PGM5: variants seen among roughly 807,000 people sequenced by gnomAD.
PGM5 encodes phosphoglucomutase 5, also known as phosphoglucomutase-like protein 5.
In PGM5, 23 loss-of-function variants were observed where a neutral mutation model predicts 59.2. The observed-to-expected ratio is 0.39, with a 90% confidence interval of 0.28 to 0.55. The LOEUF is 0.55. Ranked by LOEUF, PGM5 falls within the 20% of genes least tolerant of loss-of-function variation. PGM5 has a pLI of 0.66. For synonymous variants in PGM5, 214 were observed against 286.0 expected (o/e 0.75, Z 2.54); for missense variants, 574 against 748.3 (o/e 0.77, Z 2.72).
At chr9:68,436,310 T>A (rs1450855102) in intron 6 of PGM5, among the ~76,000 whole-genome samples, 1 of 152,132 alleles carries the variant, frequency 6.6e-6, no homozygotes, top group Non-Finnish European at 1.5e-5. Flanking sequence ...ACCTAGTAAT[T>A]TGAATATATA....
intron 6 of PGM5, among the ~76,000 whole-genome samples, chr9:68,451,118 CAT>C (rs1321928240): frequency 6.6e-6 from 1 of 152,192 alleles, no homozygotes; most frequent in Non-Finnish European, 1.5e-5. Context: ...CATACACACA[CAT>C]ACACACATGC....
intron 6 of PGM5, among the ~76,000 whole-genome samples, chr9:68,426,308 G>T (rs782045384): frequency 1.0e-4 from 15 of 150,456 alleles, no homozygotes; most frequent in Non-Finnish European, 1.9e-4. Flanking sequence ...TATTTTCCAG[G>T]ATTATTGTGA....
At position 68,416,818 on chromosome 9, in the gene PGM5, C is replaced by T. The variant is rs536703612; in HGVS notation, c.1043+24345C>T. 2.0e-5 allele frequency among the ~76,000 whole-genome samples: 3 copies of T among 152,296 alleles called. No individual in the cohort carries two copies. The East Asian group carries it at 5.8e-4, about 29-fold the overall frequency. ...AGCAGGCAACCTCAAAGAGGTGATTCTAGCTTTTGTGATTATGTGTGATTT... is the reference window on the plus strand; with the variant it reads ...AGCAGGCAACCTCAAAGAGGTGATTTTAGCTTTTGTGATTATGTGTGATTT... On this transcript the variant is annotated intron_variant, in intron 6 of 10. Transcript: ENST00000396396.
At chr9:68,414,218 T>C (rs1469827551) in intron 6 of PGM5, among the ~76,000 whole-genome samples, 1 of 152,218 alleles carries the variant, frequency 6.6e-6, no homozygotes, top group Non-Finnish European at 1.5e-5. Context: ...GCTTCCCGTA[T>C]AGCCCGCAGA....
intron 7 of PGM5, among the ~76,000 whole-genome samples, chr9:68,476,767 T>C (rs1175120856): frequency 1.3e-5 from 2 of 152,248 alleles, no homozygotes; most frequent in Admixed American, 6.5e-5. Context: ...CAATTTACTA[T>C]GCAATTGGCT....
At chr9:68,425,995 G>T (rs895989555) in intron 6 of PGM5, among the ~76,000 whole-genome samples, 1 of 152,134 alleles carries the variant, frequency 6.6e-6, no homozygotes, top group Non-Finnish European at 1.5e-5. Context: ...AGTGGTTGTT[G>T]ATATTTGGTG....
At chr9:68,423,429 G>A (rs574419286) in intron 6 of PGM5, among the ~76,000 whole-genome samples, 2 of 152,244 alleles carry the variant, frequency 1.3e-5, no homozygotes, top group Admixed American at 6.5e-5. Flanking sequence ...CTGCAAGGGC[G>A]AAAATTTAAA....
chr9:68,403,615 A>C (rs1309890491), intron 6 of PGM5, among the ~76,000 whole-genome samples: 2 of 152,212 alleles, frequency 1.3e-5, no homozygotes, highest in African/African-American at 4.8e-5. Context: ...TATGATGATG[A>C]GATGTTAAGT....
intron 6 of PGM5, among the ~76,000 whole-genome samples, chr9:68,412,915 G>T (rs1371511621): frequency 6.6e-6 from 1 of 152,166 alleles, no homozygotes; most frequent in Non-Finnish European, 1.5e-5. Context: ...GGCTTGAAGA[G>T]GTTGAGGATG....
At chr9:68,424,807 A>G (rs1164571545) in intron 6 of PGM5, among the ~76,000 whole-genome samples, 1 of 152,202 alleles carries the variant, frequency 6.6e-6, no homozygotes, top group Non-Finnish European at 1.5e-5. Context: ...GTACCTATTA[A>G]TGTCTCTTAG....
intron 6 of PGM5, among the ~76,000 whole-genome samples, chr9:68,417,873 T>A (rs1554682097): frequency 6.6e-6 from 1 of 152,206 alleles, no homozygotes; most frequent in African/African-American, 2.4e-5. Context: ...CTGTCTCTGG[T>A]TTCTTGGGCT....
chr9:68,469,405 T>A (rs1194795133), intron 7 of PGM5, among the ~76,000 whole-genome samples: 2 of 152,242 alleles, frequency 1.3e-5, no homozygotes, highest in Non-Finnish European at 2.9e-5. Flanking sequence ...TATGTATTCA[T>A]CTTTTTCTAG....
At chr9:68,406,414 A>T (rs1313703563) in intron 6 of PGM5, 1 of 149,968 alleles carries the variant, frequency 6.7e-6, no homozygotes, top group Non-Finnish European at 1.5e-5. Flanking sequence ...GGGGCTGAGC[A>T]TGCTAGCTCA....
At chr9:68,482,114 G>A (rs1477504498) in intron 8 of PGM5, among the ~76,000 whole-genome samples, 1 of 152,184 alleles carries the variant, frequency 6.6e-6, no homozygotes, top group Non-Finnish European at 1.5e-5. Context: ...GGGGGTGGAA[G>A]GCAGTGCTAG....
At chr9:68,484,124 C>T in intron 9 of PGM5, 76 bp downstream of exon 9, 2 of 1,285,288 alleles carry the variant, frequency 1.6e-6, no homozygotes, top group Non-Finnish European at 2.2e-6. Flanking sequence ...TGGAGAGGTC[C>T]TTAGGGATGA....
intron 1 of PGM5, chr9:68,357,634 T>C: frequency 1.7e-6 from 1 of 591,052 alleles, no homozygotes; most frequent in South Asian, 2.0e-5. Flanking sequence ...GTTTCCGTCG[T>C]TCCTGGAGCC....
intron 6 of PGM5, among the ~76,000 whole-genome samples, chr9:68,407,732 G>C (rs1822848731): frequency 6.6e-6 from 1 of 152,142 alleles, no homozygotes; most frequent in Non-Finnish European, 1.5e-5. Flanking sequence ...CATATAATGT[G>C]ATTTGTGTGC....
At chr9:68,389,463 T>C (rs1477594268) in intron 4 of PGM5, among the ~76,000 whole-genome samples, 1 of 152,084 alleles carries the variant, frequency 6.6e-6, no homozygotes, top group Admixed American at 6.6e-5. Context: ...TAGTTTTGCA[T>C]TTTCCAGAAA....
chr9:68,501,293 CATT>C (rs1264965785), intron 10 of PGM5, among the ~76,000 whole-genome samples: 1 of 152,154 alleles, frequency 6.6e-6, no homozygotes, highest in Non-Finnish European at 1.5e-5. Flanking sequence ...TACCATACAT[CATT>C]GACTCACCAA....
Sources: gnomAD v4.1 joint callset for allele counts (sites outside exome capture counted in the v4.1 genomes callset) on GRCh38, gnomAD v4.1.1 for gene constraint, MANE v1.5 for transcripts, NCBI Gene and HGNC (gene_info 2026-07-23, HGNC 2026-07-21) for gene names.